RXRA: variants seen among roughly 807,000 people sequenced by gnomAD.
RXRA encodes the protein retinoid X receptor alpha, also known as retinoic acid receptor RXR-alpha.
Under a neutral mutation model 44.5 loss-of-function variants are expected in RXRA, and 5 were observed. The ratio of observed to expected loss-of-function variants is 0.11; its 90% CI spans 0.06 to 0.24. RXRA has a LOEUF of 0.24. Ranked by LOEUF, RXRA falls within the 10% of genes least tolerant of loss-of-function variation. RXRA has a pLI of 1.00. For synonymous variants in RXRA, 291 were observed against 271.4 expected (o/e 1.07, Z -0.71); for missense variants, 412 against 646.5 (o/e 0.64, Z 3.93).
chr9:134,423,002 G>A (rs1831373304), intron 6 of RXRA: 1 of 985,490 alleles, frequency 1.0e-6, no homozygotes, highest in Non-Finnish European at 1.2e-6. Context: ...CACACTCCCC[G>A]TGATGCCATG....
chr9:134,362,747 G>A (rs750364903), intron 1 of RXRA, among the ~76,000 whole-genome samples: 13 of 152,208 alleles, frequency 8.5e-5, no homozygotes, highest in East Asian at 3.9e-4. Flanking sequence ...AGCTCTGCCC[G>A]CCCCACTTTC....
Position 134,408,137 on chromosome 9 carries a change from T to TG in RXRA, c.280-11dup, listed in dbSNP as rs1831086579. 1.3e-6 allele frequency: 2 copies of TG among 1,525,156 alleles called. No individual in the cohort carries two copies. Among genetic ancestry groups the TG allele is most frequent in the African/African-American group, 1.5e-5 (1 of 66,916 alleles). The allele number at this position is 1,525,156 out of a possible 1,614,324, so 94.5% of individuals were successfully genotyped here. A position where few individuals can be genotyped will look rare whatever the true frequency, so the allele number is the denominator to read the frequency against. On this transcript the variant is annotated splice_polypyrimidine_tract_variant and intron_variant, in intron 2 of 9. Transcript: ENST00000481739. ...TGTACACCCCGCTGACTGCTGTGGT[T>TG]GCCCCCCCCAGCTCAGCTCACCTAT...
chr9:134,403,273 G>C (rs747833518), intron 2 of RXRA: 2 of 152,324 alleles, frequency 1.3e-5, no homozygotes, highest in Non-Finnish European at 2.9e-5. Context: ...AAGCCCCTCT[G>C]CTTTGGGGGA....
At chr9:134,385,765 C>T (rs1020189201) in intron 1 of RXRA, among the ~76,000 whole-genome samples, 2 of 152,238 alleles carry the variant, frequency 1.3e-5, no homozygotes, top group Non-Finnish European at 2.9e-5. Context: ...CATGTTGGGG[C>T]GGCTGTTGCC....
At position 134,439,520 on chromosome 9, in the gene RXRA, C is replaced by T. The variant is rs1831693361; in HGVS notation, c.*2906C>T. 6.6e-6 allele frequency: 1 copy of T among 152,496 alleles called. No individual in the cohort carries two copies. Among genetic ancestry groups the T allele is most frequent in the East Asian group, 1.9e-4 (1 of 5,200 alleles). 9.4% of individuals were successfully genotyped at this position (152,496 alleles called of 1,614,324 possible). ...CACACGGCCTCTGGGAAGGACAGCCCTGACCTTCGGTTTTCCGAGCACGGT... is the reference window on the plus strand; with the variant it reads ...CACACGGCCTCTGGGAAGGACAGCCTTGACCTTCGGTTTTCCGAGCACGGT... On this transcript the variant is annotated 3_prime_UTR_variant, in exon 10 of 10. Coordinates refer to ENST00000481739, the MANE Select transcript of RXRA (RefSeq NM_002957.6).
At position 134,379,791 on chromosome 9, in the gene RXRA, A is replaced by C. The variant is rs1281788700; in HGVS notation, c.29-21841A>C. ...AGGGACCTGGGCCCAGCTGCCCCTA[A>C]GGATGGAGCTCAGTCTTCCCCAGCT... On this transcript the variant is annotated intron_variant, in intron 1 of 9. Coordinates refer to ENST00000481739, the MANE Select transcript of RXRA (RefSeq NM_002957.6). 6.1e-6 allele frequency: 6 copies of C among 985,222 alleles called. No individual in the cohort carries two copies. The East Asian group carries it at 5.7e-4, about 94-fold the overall frequency. The allele number at this position is 985,222 out of a possible 1,614,324, so 61.0% of individuals were successfully genotyped here. A position where few individuals can be genotyped will look rare whatever the true frequency, so the allele number is the denominator to read the frequency against.
intron 1 of RXRA, among the ~76,000 whole-genome samples, chr9:134,345,644 A>T (rs1383630082): frequency 6.6e-6 from 1 of 152,192 alleles, no homozygotes; most frequent in Non-Finnish European, 1.5e-5. Context: ...GCCTGCCTCC[A>T]TTCTCCATAG....
intron 1 of RXRA, among the ~76,000 whole-genome samples, chr9:134,335,202 G>A (rs1829980693): frequency 6.6e-6 from 1 of 152,208 alleles, no homozygotes; most frequent in African/African-American, 2.4e-5. Context: ...TAACTGGTGA[G>A]GTAGGCTGCC....
intron 1 of RXRA, among the ~76,000 whole-genome samples, chr9:134,391,521 G>A (rs1830799655): frequency 1.3e-5 from 2 of 152,222 alleles, no homozygotes; most frequent in Non-Finnish European, 2.9e-5. Context: ...TGGGGCAGGC[G>A]GGGTTTCTCC....
intron 6 of RXRA, chr9:134,425,492 G>T (rs1831416695): frequency 4.1e-6 from 4 of 983,408 alleles, no homozygotes; most frequent in Non-Finnish European, 3.6e-6. Context: ...AGCTGCTCCA[G>T]CGGGGTCGTC....
intron 9 of RXRA, among the ~76,000 whole-genome samples, chr9:134,435,309 C>G (rs999929029): frequency 2.0e-5 from 3 of 152,204 alleles, no homozygotes; most frequent in Non-Finnish European, 4.4e-5. Flanking sequence ...GTCCCCATAG[C>G]ACCCTGTCCT....
In RXRA at chr9:134,354,466, C is replaced by T. The variant is rs561115002; in HGVS notation, c.28+27807C>T. Among the ~76,000 whole-genome samples the T allele has an allele frequency of 1.2e-4, 19 of 152,306 alleles. No individual in the cohort carries two copies. In the East Asian group the frequency reaches 2.1e-3, roughly 17 times the overall value. On this transcript the variant is annotated intron_variant, in intron 1 of 9. Transcript: ENST00000481739. The stretch of plus-strand genomic sequence containing the variant: ...CGGGTTGGAGCCAGCCCCACACTGC[C>T]GTGGCTTAGTGGGTCTCACCTGGGC...
intron 1 of RXRA, among the ~76,000 whole-genome samples, chr9:134,394,398 G>A (rs1830847761): frequency 6.6e-6 from 1 of 152,076 alleles, no homozygotes; most frequent in African/African-American, 2.4e-5. Flanking sequence ...GATGGAGCCT[G>A]TCTCCATGAA....
intron 1 of RXRA, among the ~76,000 whole-genome samples, chr9:134,399,230 C>T (rs528198925): frequency 5.3e-4 from 81 of 152,342 alleles, no homozygotes; most frequent in African/African-American, 1.5e-3. Flanking sequence ...CCAGGGTCCC[C>T]GCAGTGCCCT....
rs1452920350 is a variant in RXRA, at chr9:134,426,501, G to A, written c.911-2607G>A. ...GGAGCTGAGATGCAGCCGGCGTGCC[G>A]GAGGGTGCAGAGAGAGACTCCGCAC... On this transcript the variant is annotated intron_variant, in intron 6 of 9. Transcript: ENST00000481739. This position sits in a 1 kb window ranked among gnomAD's most constrained non-coding sequence, Gnocchi z 4.6. The A allele has an allele frequency of 1.2e-5, 12 of 985,328 alleles. No individual in the cohort carries two copies. Among genetic ancestry groups the A allele is most frequent in the Admixed American group, 6.1e-5 (1 of 16,270 alleles). 61.0% of individuals were successfully genotyped at this position (985,328 alleles called of 1,614,324 possible).
chr9:134,361,447 T>C (rs1450829218), intron 1 of RXRA, among the ~76,000 whole-genome samples: 8 of 152,132 alleles, frequency 5.3e-5, no homozygotes, highest in Non-Finnish European at 1.2e-4. Context: ...GTGCCGACCC[T>C]GTCGTTTCTC....
intron 1 of RXRA, chr9:134,401,369 A>G: frequency 1.9e-6 from 1 of 521,762 alleles, no homozygotes; most frequent in Non-Finnish European, 3.4e-6. Flanking sequence ...GCTCATTCAC[A>G]GCGGGTTCTT....
chr9:134,394,908 G>T (rs1830856093), intron 1 of RXRA, among the ~76,000 whole-genome samples: 1 of 152,208 alleles, frequency 6.6e-6, no homozygotes, highest in Admixed American at 6.5e-5. Flanking sequence ...TGGGTGAGCG[G>T]ATAGGGAGTC....
At chr9:134,420,314 C>G (rs1332845644) in intron 5 of RXRA, among the ~76,000 whole-genome samples, 2 of 152,240 alleles carry the variant, frequency 1.3e-5, no homozygotes, top group East Asian at 3.9e-4. Flanking sequence ...TGTGGCAGGC[C>G]TGGGGGGCGC....
Sources: gnomAD v4.1 joint callset for allele counts (sites outside exome capture counted in the v4.1 genomes callset) on GRCh38, gnomAD v4.1.1 for gene constraint, Gnocchi (gnomAD v3.1) non-coding constraint, MANE v1.5 for transcripts, NCBI Gene and HGNC (gene_info 2026-07-23, HGNC 2026-07-21) for gene names.